The following SYT7 variants were observed in gnomAD, a reference collection of about 807,000 sequenced individuals.
SYT7 encodes synaptotagmin-7.
A neutral mutation model predicts 75.1 loss-of-function variants in SYT7; 29 were observed. The observed-to-expected ratio is 0.39, with a 90% confidence interval of 0.29 to 0.53. SYT7 has a LOEUF of 0.53. Ranked by LOEUF, SYT7 falls within the 20% of genes least tolerant of loss-of-function variation. The pLI, the probability that SYT7 is intolerant of heterozygous loss-of-function variation, is 0.77. For synonymous variants in SYT7, 376 were observed against 401.7 expected (o/e 0.94, Z 0.76); for missense variants, 693 against 953.2 (o/e 0.73, Z 3.59).
intron 1 of SYT7, among the ~76,000 whole-genome samples, chr11:61,558,407 T>G (rs1459536991): frequency 2.0e-5 from 3 of 149,778 alleles, no homozygotes; most frequent in African/African-American, 7.4e-5. Flanking sequence ...GGGGCGGAGG[T>G]TTTAGTGAGC....
In SYT7 at chr11:61,517,873, G is replaced by A; in HGVS notation, c.*754C>T. ...GGAGACGGGGGGATGGCAGGAGGCA[G>A]CCCAGTTCTCAGCCCAGCTCCAGCA... On this transcript the variant is annotated 3_prime_UTR_variant, in exon 13 of 13. Transcript: ENST00000539008. 1 of 305,170 alleles carries A rather than the reference G, an allele frequency of 3.3e-6. No individual in the cohort carries two copies. The highest frequency in any genetic ancestry group is 6.0e-6 in the Non-Finnish European group (1 of 166,850). The allele number at this position is 305,170 out of a possible 1,614,324, so 18.9% of individuals were successfully genotyped here.
chr11:61,567,243 G>A (rs537580778), intron 1 of SYT7, among the ~76,000 whole-genome samples: 1 of 152,274 alleles, frequency 6.6e-6, no homozygotes, highest in African/African-American at 2.4e-5. Flanking sequence ...CCTCCTGGCT[G>A]GAATGCAGGG....
chr11:61,551,607 G>A lies in SYT7; in HGVS notation c.136-144C>T, dbSNP rs749185943. 3.9e-5 allele frequency: 31 copies of A among 786,834 alleles called. No homozygotes were observed. The highest frequency in any genetic ancestry group is 1.0e-4 in the African/African-American group (6 of 57,974). The allele number at this position is 786,834 out of a possible 1,614,324, so 48.7% of individuals were successfully genotyped here. On this transcript the variant is annotated intron_variant, in intron 2 of 12. Coordinates refer to ENST00000539008, the MANE Select transcript of SYT7 (RefSeq NM_001365809.2). This position sits in a 1 kb window ranked among gnomAD's most constrained non-coding sequence, Gnocchi z 5.3. ...AGGACCAGTGTGCGAGGCTGTCACC[G>A]CGGTGGGGGCCAATCCCCTGGATGC... is the stretch of plus-strand genomic sequence containing the variant.
chr11:61,583,153 G>C (rs766157842), upstream of SYT7, among the ~76,000 whole-genome samples: 1 of 151,880 alleles, frequency 6.6e-6, no homozygotes, highest in African/African-American at 2.4e-5. Flanking sequence ...CTTAAACCCA[G>C]TAGTTTGAGG....
chr11:61,545,901 A>T, intron 5 of SYT7, 130 bp downstream of exon 5: 1 of 763,198 alleles, frequency 1.3e-6, no homozygotes. Context: ...TCATGAAGGG[A>T]TGGAATGAGC....
chr11:61,535,152 G>A lies in SYT7; in HGVS notation c.1065-2028C>T, dbSNP rs138728102. 8.5e-5 allele frequency among the ~76,000 whole-genome samples: 13 copies of A among 152,318 alleles called. 1 individual carries two copies. Among genetic ancestry groups the A allele is most frequent in the African/African-American group, 2.4e-4 (10 of 41,566 alleles). On this transcript the variant is annotated intron_variant, in intron 7 of 12. Transcript: ENST00000539008. ...GGGAGAGGCCGAGGGGCCCATCACC[G>A]GCCCAGGGCAGCCCTGTGAGGAGCA...
At chr11:61,578,024 G>A (rs1221757642) in intron 1 of SYT7, among the ~76,000 whole-genome samples, 1 of 152,240 alleles carries the variant, frequency 6.6e-6, no homozygotes, top group African/African-American at 2.4e-5. Flanking sequence ...GGCAGGAAGA[G>A]GCCGTGAAGT....
At chr11:61,560,757 A>G (rs1016530450) in intron 1 of SYT7, among the ~76,000 whole-genome samples, 5 of 152,132 alleles carry the variant, frequency 3.3e-5, no homozygotes, top group African/African-American at 1.2e-4. Context: ...CTCCAGCTAG[A>G]AGGGACCTTG....
intron 9 of SYT7, among the ~76,000 whole-genome samples, chr11:61,525,420 C>A (rs1057432791): frequency 6.6e-6 from 1 of 152,012 alleles, no homozygotes; most frequent in East Asian, 1.9e-4. Flanking sequence ...CCAGCCACAT[C>A]GGCCTCCTTC....
chr11:61,556,784 C>A (rs1205429475), intron 1 of SYT7, among the ~76,000 whole-genome samples: 1 of 152,206 alleles, frequency 6.6e-6, no homozygotes. Flanking sequence ...TCAAAGGAAT[C>A]TCTGGAACCC....
intron 1 of SYT7, among the ~76,000 whole-genome samples, chr11:61,560,169 A>G (rs757675695): frequency 6.6e-5 from 10 of 152,196 alleles, no homozygotes; most frequent in Non-Finnish European, 1.3e-4. Context: ...CCGGGGTTTG[A>G]ACTCAGGCAA....
At chr11:61,559,537 T>C (rs1436888343) in intron 1 of SYT7, among the ~76,000 whole-genome samples, 2 of 151,944 alleles carry the variant, frequency 1.3e-5, no homozygotes, top group African/African-American at 4.8e-5. Context: ...CAGAGGGGTG[T>C]TTCACAAGCT....
chr11:61,575,427 G>T (rs2064043768), intron 1 of SYT7, among the ~76,000 whole-genome samples: 1 of 152,122 alleles, frequency 6.6e-6, no homozygotes, highest in Admixed American at 6.5e-5. Flanking sequence ...GCACAGACCA[G>T]ACCTAGTCAC....
chr11:61,543,770 G>A (rs764955325), intron 5 of SYT7, among the ~76,000 whole-genome samples: 2 of 152,244 alleles, frequency 1.3e-5, no homozygotes, highest in African/African-American at 4.8e-5. Flanking sequence ...TGCTTCATGC[G>A]CTGGCTGGAG....
chr11:61,542,301 G>T lies in SYT7; in HGVS notation c.851C>A (p.Ala284Glu). Residue 284 changes from alanine to glutamate, a missense_variant, in exon 6 of 13, where the codon GCG becomes GAG. Ala to Glu is a moderately radical substitution (Grantham distance 107, BLOSUM62 -1). Around this residue, in one of 2 missense-constraint regions of SYT7, gnomAD observed 487 missense variants for 593.2 expected, o/e 0.82. Transcript: ENST00000539008. The surrounding 1 kb of genome is among the most constrained non-coding windows in gnomAD (Gnocchi z 7.8). ...GTTGGAGCGGCTGCGGCCCCCTGCCGCCCGGTACTTGGAGCCGGCCGAGGT... is the reference window on the plus strand; with the variant it reads ...GTTGGAGCGGCTGCGGCCCCCTGCCTCCCGGTACTTGGAGCCGGCCGAGGT... Reference protein sequence around the residue: ...QGTSAGSKYRAAGGRSRSNPG... With the variant: ...QGTSAGSKYREAGGRSRSNPG... The T allele has an allele frequency of 1.3e-6, 2 of 1,534,122 alleles. No homozygotes were observed. Among genetic ancestry groups the T allele is most frequent in the Non-Finnish European group, 1.7e-6 (2 of 1,146,000 alleles).
At chr11:61,569,865 C>T (rs2063873779) in intron 1 of SYT7, among the ~76,000 whole-genome samples, 1 of 152,210 alleles carries the variant, frequency 6.6e-6, no homozygotes, top group Admixed American at 6.5e-5. Context: ...CCCCCAATGT[C>T]AGTGCCCAGC....
At chr11:61,566,474 A>T (rs1488893979) in intron 1 of SYT7, among the ~76,000 whole-genome samples, 1 of 152,250 alleles carries the variant, frequency 6.6e-6, no homozygotes, top group East Asian at 1.9e-4. Context: ...GCCAGGTGCC[A>T]GCTCTGAGCT....
chr11:61,581,649 C>T (rs2135484121), upstream of SYT7, among the ~76,000 whole-genome samples: 1 of 152,378 alleles, frequency 6.6e-6, no homozygotes, highest in Admixed American at 6.5e-5. Flanking sequence ...TGCAAGCTCG[C>T]ACACAGGTGG....
At chr11:61,525,420 C>T (rs1057432791) in intron 9 of SYT7, among the ~76,000 whole-genome samples, 2 of 152,012 alleles carry the variant, frequency 1.3e-5, no homozygotes, top group African/African-American at 2.4e-5. Flanking sequence ...CCAGCCACAT[C>T]GGCCTCCTTC....
Sources: gnomAD v4.1 joint callset for allele counts (sites outside exome capture counted in the v4.1 genomes callset) on GRCh38, gnomAD v4.1.1 for gene constraint, gnomAD v4.1.1 regional missense constraint, Gnocchi (gnomAD v3.1) non-coding constraint, MANE v1.5 for transcripts, NCBI Gene and HGNC (gene_info 2026-07-23, HGNC 2026-07-21) for gene names.